Variants in DNAH11 observed in about 807,000 individuals in gnomAD.
The protein encoded by DNAH11 is axonemal beta dynein heavy chain 11.
DNAH11 carries 442 observed loss-of-function variants against 526.0 expected under a neutral mutation model. That is an observed-to-expected ratio of 0.84 (90% CI 0.78 to 0.91). The LOEUF is 0.91. Among genes scored for constraint, DNAH11 ranks in the 40% least tolerant of loss-of-function variants. The pLI is 0.00. For missense variants in DNAH11, 6,989 were observed against 5,448.7 expected, an observed-to-expected ratio of 1.28 and a Z score of -8.90; for synonymous variants, 2,461 against 1,935.9, an observed-to-expected ratio of 1.27 and a Z score of -7.12.
In DNAH11 at chr7:21,864,605, C is replaced by T; in HGVS notation, c.11444C>T (p.Thr3815Ile). Residue 3815 changes from threonine to isoleucine, a missense_variant, in exon 70 of 82, where the codon ACT becomes ATT. Physicochemically the swap from Thr to Ile is moderately conservative, Grantham distance 89 (BLOSUM62 -1). Coordinates refer to ENST00000409508, the MANE Select transcript of DNAH11 (RefSeq NM_001277115.2). ...CTGCTTCGATTCACAGTTGAACACA[C>T]TCATCTGAGTCCCGTTGACTTCCTA... is the stretch of plus-strand genomic sequence containing the variant. Reference protein sequence around the residue: ...DFLLRFTVEHTHLSPVDFLTS... With the variant: ...DFLLRFTVEHIHLSPVDFLTS... 5 of 1,610,614 alleles carry T rather than the reference C, an allele frequency of 3.1e-6. No individual in the cohort carries two copies. In the South Asian group the frequency reaches 3.3e-5, roughly 11 times the overall value.
intron 65 of DNAH11, among the ~76,000 whole-genome samples, chr7:21,825,060 C>T (rs1372566786): frequency 6.6e-6 from 1 of 152,052 alleles, no homozygotes; most frequent in Non-Finnish European, 1.5e-5. Context: ...TTAGTAGAAA[C>T]AGGTTTCGCC....
At position 21,844,863 on chromosome 7, in the gene DNAH11, G is replaced by A. The variant is rs185036475; in HGVS notation, c.10896+2115G>A. ...AGGCAAAGACAGCCATGGGATCAAG[G>A]CTGGGTATCAGTGGATATGGTTCCC... On this transcript the variant is annotated intron_variant, in intron 66 of 81. Coordinates refer to ENST00000409508, the MANE Select transcript of DNAH11 (RefSeq NM_001277115.2). Among the ~76,000 whole-genome samples the A allele has an allele frequency of 3.0e-3, 463 of 152,240 alleles. 4 individuals carry two copies. Among genetic ancestry groups the A allele is most frequent in the African/African-American group, 0.01 (432 of 41,528 alleles).
At chr7:21,651,459 G>A (rs1781769706) in intron 28 of DNAH11, among the ~76,000 whole-genome samples, 1 of 152,020 alleles carries the variant, frequency 6.6e-6, no homozygotes. Context: ...GCCCCTCCAG[G>A]TTTAAGCAAT....
intron 61 of DNAH11, among the ~76,000 whole-genome samples, chr7:21,793,006 G>A (rs1311731476): frequency 6.6e-6 from 1 of 152,030 alleles, no homozygotes; most frequent in African/African-American, 2.4e-5. Flanking sequence ...GTAGGCATTT[G>A]ATGTATTGCT....
chr7:21,740,046 C>T (rs1351638460), intron 48 of DNAH11, among the ~76,000 whole-genome samples: 1 of 152,006 alleles, frequency 6.6e-6, no homozygotes, highest in African/African-American at 2.4e-5. Flanking sequence ...TTGTATTATA[C>T]GTTCCAGGGG....
intron 35 of DNAH11, among the ~76,000 whole-genome samples, chr7:21,697,059 C>G (rs73063729): frequency 0.12 from 17,660 of 151,996 alleles, 1,065 homozygotes; most frequent in East Asian, 0.21. Context: ...TCCAAAGATA[C>G]TTTAAGGTTA....
At chr7:21,821,732 C>G (rs1055332387) in intron 65 of DNAH11, among the ~76,000 whole-genome samples, 3 of 151,740 alleles carry the variant, frequency 2.0e-5, no homozygotes, top group South Asian at 2.1e-4. Context: ...TCTCTTCTAG[C>G]TATATTAAAA....
chr7:21,852,317 G>C, intron 66 of DNAH11, 150 bp from the exon 67 acceptor site: 1 of 643,700 alleles, frequency 1.6e-6, no homozygotes, highest in South Asian at 2.7e-5. Flanking sequence ...TGAGGCAGGA[G>C]AATCGCTTTA....
At position 21,543,396 on chromosome 7, in the gene DNAH11, C is replaced by G; in HGVS notation, c.151C>G (p.Arg51Gly). 1 of 1,552,708 alleles carries G rather than the reference C, an allele frequency of 6.4e-7. No individual in the cohort carries two copies. The change falls in exon 1 of 82, where the codon CGG becomes GGG. Residue 51 changes from arginine to glycine, a missense_variant. Coordinates refer to ENST00000409508, the MANE Select transcript of DNAH11 (RefSeq NM_001277115.2). ...NEEEAAARRA[R>G]SFAQDARVRF... ...GGAGGAGGCGGCGGCCAGGAGAGCG[C>G]GGAGTTTCGCCCAAGACGCGCGGGT...
chr7:21,572,085 C>G (rs1327209940), intron 8 of DNAH11, 112 bp downstream of exon 8: 2 of 928,856 alleles, frequency 2.2e-6, no homozygotes, highest in Non-Finnish European at 2.9e-6. Context: ...TCTCTAGGAC[C>G]AAAAGAGGTT....
At chr7:21,682,758 T>A (rs1783198748) in intron 31 of DNAH11, among the ~76,000 whole-genome samples, 1 of 152,118 alleles carries the variant, frequency 6.6e-6, no homozygotes, top group Non-Finnish European at 1.5e-5. Flanking sequence ...TTTTTCTGGG[T>A]TTTTTTCTCA....
chr7:21,704,131 A>G (rs569164862), intron 37 of DNAH11, among the ~76,000 whole-genome samples: 16 of 152,360 alleles, frequency 1.1e-4, no homozygotes, highest in African/African-American at 3.1e-4. Flanking sequence ...GAGTTTGAGG[A>G]TTCAAGAGAG....
chr7:21,583,467 A>G (rs1784382473), intron 9 of DNAH11, among the ~76,000 whole-genome samples: 1 of 152,208 alleles, frequency 6.6e-6, no homozygotes, highest in African/African-American at 2.4e-5. Flanking sequence ...TAAGACCTAA[A>G]ACCATAATAC....
chr7:21,900,201 C>G (rs1784716929), intron 81 of DNAH11, 81 bp downstream of exon 81: 4 of 1,411,458 alleles, frequency 2.8e-6, no homozygotes, highest in Non-Finnish European at 3.8e-6. Flanking sequence ...TACTGTTTCT[C>G]AGCATCTCCT....
At chr7:21,544,278 C>A (rs958670594) in intron 1 of DNAH11, among the ~76,000 whole-genome samples, 1 of 152,074 alleles carries the variant, frequency 6.6e-6, no homozygotes, top group Admixed American at 6.5e-5. Context: ...TTTTAAGTAG[C>A]GCAATGCTCA....
intron 61 of DNAH11, among the ~76,000 whole-genome samples, chr7:21,793,356 G>A (rs944042327): frequency 3.3e-5 from 5 of 152,016 alleles, no homozygotes; most frequent in East Asian, 1.9e-4. Flanking sequence ...GGTGGCTCAC[G>A]CCTATAATCC....
At chr7:21,589,884 T>C (rs547164269) in intron 12 of DNAH11, among the ~76,000 whole-genome samples, 12 of 152,330 alleles carry the variant, frequency 7.9e-5, no homozygotes, top group Non-Finnish European at 1.5e-4. Context: ...GTCACGTTTT[T>C]GATGAGCACT....
chr7:21,592,663 C>T (rs1273984424), intron 14 of DNAH11, among the ~76,000 whole-genome samples: 1 of 152,152 alleles, frequency 6.6e-6, no homozygotes, highest in Non-Finnish European at 1.5e-5. Context: ...TGCTAATAAT[C>T]CAGGTGAGAA....
Position 21,738,833 on chromosome 7 carries a change from C to T in DNAH11, c.7778C>T (p.Thr2593Ile). 1 of 1,604,298 alleles carries T rather than the reference C, an allele frequency of 6.2e-7. No individual in the cohort carries two copies. The highest frequency in any genetic ancestry group is 8.5e-7 in the Non-Finnish European group (1 of 1,175,872). Residue 2593 changes from threonine (T) to isoleucine (I), a missense_variant, in exon 47 of 82, where the codon ACC (threonine) becomes ATC (isoleucine). Physicochemically the swap from Thr to Ile is moderately conservative, Grantham distance 89. Coordinates refer to ENST00000409508, the MANE Select transcript of DNAH11 (RefSeq NM_001277115.2). Reference sequence around the variant, plus strand: ...TTATATGGCACCGTTCAGCCTCACACCCTGATCCGGCAGCATATTGATTAT... The same window carrying T: ...TTATATGGCACCGTTCAGCCTCACATCCTGATCCGGCAGCATATTGATTAT... ...VDLYGTVQPH[T>I]LIRQHIDYGH...
Sources: allele counts gnomAD v4.1 joint callset (sites outside exome capture counted in the v4.1 genomes callset), GRCh38; gene constraint gnomAD v4.1.1; transcripts MANE v1.5; gene names NCBI Gene and HGNC (gene_info 2026-07-23, HGNC 2026-07-21).